PCDHA9: variants seen among roughly 807,000 people sequenced by gnomAD.
PCDHA9 encodes the protein protocadherin alpha 9.
In PCDHA9, 62 loss-of-function variants were observed where a neutral mutation model predicts 62.0. The ratio of observed to expected loss-of-function variants is 1.00; its 90% CI spans 0.81 to 1.23. The LOEUF (loss-of-function observed/expected upper bound fraction) is 1.23, where lower values mean the gene tolerates loss of function less well. Ranked by LOEUF, PCDHA9 falls within the 50% of genes most tolerant of loss-of-function variation. PCDHA9 has a pLI of 0.00. For synonymous variants in PCDHA9, 557 were observed against 567.6 expected, an observed-to-expected ratio of 0.98 and a Z score of 0.27; for missense variants, 1,205 against 1,249.8, an observed-to-expected ratio of 0.96 and a Z score of 0.54.
intron 1 of PCDHA9, among the ~76,000 whole-genome samples, chr5:140,881,901 T>C (rs1455904146): frequency 6.6e-6 from 1 of 152,208 alleles, no homozygotes; most frequent in Non-Finnish European, 1.5e-5. Context: ...TGTCAGCTAA[T>C]ATAAAATGTT....
At chr5:140,995,452 G>C (rs1400573812) in intron 3 of PCDHA9, among the ~76,000 whole-genome samples, 1 of 152,098 alleles carries the variant, frequency 6.6e-6, no homozygotes, top group African/African-American at 2.4e-5. Context: ...CTTATGAATT[G>C]TTTATTTTTG....
chr5:140,933,715 G>C (rs1292658358), intron 1 of PCDHA9, among the ~76,000 whole-genome samples: 1 of 151,902 alleles, frequency 6.6e-6, no homozygotes, highest in Non-Finnish European at 1.5e-5. Flanking sequence ...ACTGAGATTG[G>C]TGATACAGCT....
chr5:140,980,455 C>T (rs1412427414), intron 2 of PCDHA9, among the ~76,000 whole-genome samples: 1 of 152,086 alleles, frequency 6.6e-6, no homozygotes, highest in African/African-American at 2.4e-5. Context: ...CACGGTGAAA[C>T]CCTGTCTCTA....
At chr5:140,871,075 C>A in intron 1 of PCDHA9, 1 of 1,613,242 alleles carries the variant, frequency 6.2e-7, no homozygotes. Context: ...TGAGCCGGCG[C>A]TGACGGCCAC....
At chr5:140,956,314 G>C (rs1262942129) in intron 1 of PCDHA9, among the ~76,000 whole-genome samples, 2 of 152,036 alleles carry the variant, frequency 1.3e-5, no homozygotes, top group Admixed American at 6.6e-5. Context: ...ATTATTTTGA[G>C]ATATGTTCCT....
At chr5:140,944,629 A>G (rs1371756120) in intron 1 of PCDHA9, among the ~76,000 whole-genome samples, 3 of 152,172 alleles carry the variant, frequency 2.0e-5, no homozygotes, top group African/African-American at 7.2e-5. Context: ...ATAGTGTTGT[A>G]AGCCAGTGTG....
At chr5:140,870,392 GT>G in intron 1 of PCDHA9, 1 of 1,614,254 alleles carries the variant, frequency 6.2e-7, no homozygotes, top group Middle Eastern at 1.6e-4. Flanking sequence ...CGGGATGGGG[GT>G]TCGCCTTCTC....
At chr5:140,871,313 C>T (rs371295919) in intron 1 of PCDHA9, 2 of 1,614,042 alleles carry the variant, frequency 1.2e-6, no homozygotes, top group Non-Finnish European at 1.7e-6. Flanking sequence ...GGGAAGCCCA[C>T]GCTGGTGTGC....
At chr5:140,950,860 G>A (rs529625926) in intron 1 of PCDHA9, among the ~76,000 whole-genome samples, 25 of 151,860 alleles carry the variant, frequency 1.6e-4, no homozygotes, top group African/African-American at 5.8e-4. Context: ...TCATATTCTT[G>A]TATATTCTAT....
chr5:140,882,309 T>C (rs745321942), intron 1 of PCDHA9: 1 of 1,614,090 alleles, frequency 6.2e-7, no homozygotes, highest in Non-Finnish European at 8.5e-7. Flanking sequence ...CCGCGGCAAC[T>C]ACTGCTCTGG....
chr5:140,954,225 A>G (rs1554221300), intron 1 of PCDHA9, among the ~76,000 whole-genome samples: 1 of 152,242 alleles, frequency 6.6e-6, no homozygotes, highest in Admixed American at 6.5e-5. Context: ...TGCTATTGTG[A>G]ATAGTGCTGC....
Position 140,883,261 on chromosome 5 carries a change from G to A in PCDHA9, c.2394+32372G>A, listed in dbSNP as rs148578758. The A allele has an allele frequency of 8.1e-5, 131 of 1,613,912 alleles. No individual in the cohort carries two copies. In the African/African-American group the frequency reaches 1.7e-3, roughly 21 times the overall value. On this transcript the variant is annotated intron_variant, in intron 1 of 3. Transcript: ENST00000532602. Reference sequence around the variant, plus strand: ...TTGACAAAGGAAATATTCCAATGGCGGGTCATTGTACCCTTTTGGTGGAAG... The same window carrying A: ...TTGACAAAGGAAATATTCCAATGGCAGGTCATTGTACCCTTTTGGTGGAAG...
At position 140,850,251 on chromosome 5, in the gene PCDHA9, G is replaced by T. The variant is rs1562466738; in HGVS notation, c.1756G>T (p.Gly586Cys). 1.1e-5 allele frequency: 18 copies of T among 1,594,126 alleles called. 3 individuals are homozygous for T. The highest frequency in any genetic ancestry group is 1.4e-5 in the Non-Finnish European group (16 of 1,167,218). The change falls in exon 1 of 4, where the codon GGC (glycine) becomes TGC (cysteine). Residue 586 changes from glycine to cysteine, a missense_variant. By Grantham distance (159) the Gly-to-Cys change is radical (BLOSUM62 -3). Coordinates refer to ENST00000532602, the MANE Select transcript of PCDHA9 (RefSeq NM_031857.2). ...AVSEMVLRSVGAGVVVGKVRA... is the reference protein window; with the variant it reads ...AVSEMVLRSVCAGVVVGKVRA... ...GAGCGAGATGGTGCTGCGGTCGGTG[G>T]GCGCCGGCGTAGTGGTGGGGAAGGT...
In PCDHA9 at chr5:141,011,894, T is replaced by G. The variant is rs1303053966; in HGVS notation, c.*1957T>G. 6.5e-6 allele frequency: 1 copy of G among 153,306 alleles called. No homozygotes were observed. The highest frequency in any genetic ancestry group is 1.5e-5 in the Non-Finnish European group (1 of 68,044). The allele number at this position is 153,306 out of a possible 1,614,324, so 9.5% of individuals were successfully genotyped here. ...AATTTAGAAGTTTGATTAATTATAT[T>G]ATCTATTTAGGCATTAATATAAAAG... On this transcript the variant is annotated 3_prime_UTR_variant, in exon 4 of 4. Transcript: ENST00000532602.
At chr5:140,924,732 T>TA (rs1333846222) in intron 1 of PCDHA9, among the ~76,000 whole-genome samples, 2 of 151,706 alleles carry the variant, frequency 1.3e-5, no homozygotes, top group African/African-American at 4.8e-5. Flanking sequence ...TCACCTCTAA[T>TA]AAAAATACAA....
chr5:140,883,844 G>A (rs1404353270), intron 1 of PCDHA9: 4 of 1,612,836 alleles, frequency 2.5e-6, no homozygotes, highest in East Asian at 2.2e-5. Context: ...GTTGGACCAC[G>A]AGGAGCTGGA....
At chr5:140,935,234 T>C (rs1160112983) in intron 1 of PCDHA9, among the ~76,000 whole-genome samples, 8 of 152,190 alleles carry the variant, frequency 5.3e-5, no homozygotes, top group Non-Finnish European at 1.2e-4. Context: ...GGATGTCTAT[T>C]TTTTAAAAGA....
chr5:140,937,717 C>G (rs868958316), intron 1 of PCDHA9, among the ~76,000 whole-genome samples: 34 of 151,858 alleles, frequency 2.2e-4, no homozygotes, highest in African/African-American at 8.2e-4. Flanking sequence ...TCAAGACCAT[C>G]CTGGCTAACA....
intron 3 of PCDHA9, among the ~76,000 whole-genome samples, chr5:141,002,021 C>A (rs1177146388): frequency 2.6e-5 from 4 of 152,184 alleles, no homozygotes; most frequent in Admixed American, 6.5e-5. Flanking sequence ...GCACAGCCTT[C>A]GGTGCCCTGA....
Sources: gnomAD v4.1 joint callset for allele counts (sites outside exome capture counted in the v4.1 genomes callset) on GRCh38, gnomAD v4.1.1 for gene constraint, MANE v1.5 for transcripts, NCBI Gene and HGNC (gene_info 2026-07-23, HGNC 2026-07-21) for gene names.